The following NREP variants were observed in gnomAD, a reference collection of about 807,000 sequenced individuals.
NREP encodes neuronal regeneration related protein.
NREP carries 5 observed loss-of-function variants against 8.6 expected under a neutral mutation model. The observed-to-expected ratio is 0.58, with a 90% confidence interval of 0.30 to 1.22. The LOEUF (loss-of-function observed/expected upper bound fraction) is 1.22. Ranked by LOEUF, NREP falls within the 50% of genes most tolerant of loss-of-function variation. The pLI, the probability that NREP is intolerant of heterozygous loss-of-function variation, is 0.07. For missense variants in NREP, 86 were observed against 82.5 expected, an observed-to-expected ratio of 1.04 and a Z score of -0.17; for synonymous variants, 27 against 28.0, an observed-to-expected ratio of 0.96 and a Z score of 0.11.
intron 2 of NREP, among the ~76,000 whole-genome samples, chr5:111,814,963 GAAA>G (rs60414933): frequency 7.4e-6 from 1 of 135,786 alleles, no homozygotes; most frequent in Non-Finnish European, 1.6e-5. Context: ...TTACCAAGAG[GAAA>G]AAAAAAAAAA....
At chr5:111,874,499 C>A (rs1330504766) in intron 2 of NREP, among the ~76,000 whole-genome samples, 1 of 152,084 alleles carries the variant, frequency 6.6e-6, no homozygotes, top group Non-Finnish European at 1.5e-5. Context: ...GTGAGGGTAA[C>A]CCTGTCTATG....
At chr5:111,864,446 G>T (rs1252514238) in intron 2 of NREP, among the ~76,000 whole-genome samples, 3 of 152,028 alleles carry the variant, frequency 2.0e-5, no homozygotes, top group Non-Finnish European at 2.9e-5. Flanking sequence ...TCACCCCCCA[G>T]AAGGGCAAAA....
At chr5:111,785,469 G>T (rs1413063021) in intron 2 of NREP, among the ~76,000 whole-genome samples, 3 of 151,914 alleles carry the variant, frequency 2.0e-5, no homozygotes. Context: ...TAGTAGAGTC[G>T]GGGTTTCACC....
chr5:111,867,042 G>T (rs1753683009), intron 2 of NREP, among the ~76,000 whole-genome samples: 8 of 151,692 alleles, frequency 5.3e-5, no homozygotes, highest in Admixed American at 5.3e-4. Context: ...TATACCTAAT[G>T]TTAAATGACG....
intron 2 of NREP, among the ~76,000 whole-genome samples, chr5:111,753,049 T>C (rs1750461760): frequency 1.3e-5 from 2 of 151,532 alleles, no homozygotes; most frequent in African/African-American, 2.4e-5. Flanking sequence ...CTTAATATCC[T>C]ACTAATTGCA....
chr5:111,744,570 A>G (rs1749884504), intron 2 of NREP, among the ~76,000 whole-genome samples: 1 of 152,174 alleles, frequency 6.6e-6, no homozygotes, highest in Admixed American at 6.5e-5. Flanking sequence ...TAGAATGGAT[A>G]TGCCCCTGCA....
At chr5:111,836,995 G>C (rs1452901636) in intron 2 of NREP, among the ~76,000 whole-genome samples, 3 of 152,008 alleles carry the variant, frequency 2.0e-5, no homozygotes, top group African/African-American at 7.2e-5. Context: ...GAATTCACTT[G>C]AATTTAATTC....
chr5:111,815,463 C>T (rs1182953861), intron 2 of NREP, among the ~76,000 whole-genome samples: 1 of 151,578 alleles, frequency 6.6e-6, no homozygotes, highest in Non-Finnish European at 1.5e-5. Flanking sequence ...AATTGCCAGG[C>T]ATCTAAGGAC....
At chr5:111,794,145 C>T (rs555121954) in intron 2 of NREP, among the ~76,000 whole-genome samples, 87 of 152,264 alleles carry the variant, frequency 5.7e-4, no homozygotes, top group African/African-American at 2.0e-3. Flanking sequence ...TGTTACAATG[C>T]CAAAATCTAA....
intron 2 of NREP, among the ~76,000 whole-genome samples, chr5:111,892,811 G>A (rs1754425794): frequency 6.6e-6 from 1 of 152,110 alleles, no homozygotes; most frequent in South Asian, 2.1e-4. Flanking sequence ...CAAGGCACTG[G>A]TTTATGCTTC....
intron 2 of NREP, among the ~76,000 whole-genome samples, chr5:111,785,286 TC>T (rs1380896676): frequency 6.6e-6 from 1 of 152,132 alleles, no homozygotes; most frequent in Non-Finnish European, 1.5e-5. Context: ...AAATGGCTAT[TC>T]TTTTTTTTTG....
intron 2 of NREP, among the ~76,000 whole-genome samples, chr5:111,783,687 C>G (rs1361192689): frequency 6.6e-6 from 1 of 152,194 alleles, no homozygotes; most frequent in African/African-American, 2.4e-5. Flanking sequence ...GTCAGGCATA[C>G]AAACGTCTAC....
At chr5:111,806,337 G>A (rs1282676045) in intron 2 of NREP, among the ~76,000 whole-genome samples, 1 of 151,668 alleles carries the variant, frequency 6.6e-6, no homozygotes, top group African/African-American at 2.4e-5. Context: ...CTGTCCCTGA[G>A]TATCTCCACA....
Position 111,909,635 on chromosome 5 carries a change from C to T in NREP, c.135+65639G>A, listed in dbSNP as rs557947303. Among the ~76,000 whole-genome samples the T allele has an allele frequency of 5.3e-5, 8 of 152,150 alleles. No individual in the cohort carries two copies. In the South Asian group the frequency reaches 1.5e-3, roughly 28 times the overall value. ...AAAACCACCAAAGAGAGAACAGATA[C>T]TTGAACTTGGGTTGCAGCAGGAACG... On this transcript the variant is annotated intron_variant, in intron 2 of 3. Transcript: ENST00000395634.
chr5:111,928,665 C>A (rs976353441), intron 2 of NREP, among the ~76,000 whole-genome samples: 4 of 152,078 alleles, frequency 2.6e-5, no homozygotes, highest in African/African-American at 9.7e-5. Context: ...GTCAAGTTTT[C>A]CCCTGAGTAG....
At chr5:111,794,515 A>C (rs1751831134) in intron 2 of NREP, among the ~76,000 whole-genome samples, 1 of 152,238 alleles carries the variant, frequency 6.6e-6, no homozygotes, top group Admixed American at 6.5e-5. Context: ...TAGTTCTTCA[A>C]CCATGAAAAG....
chr5:111,770,147 C>T (rs1751183168), intron 2 of NREP, among the ~76,000 whole-genome samples: 1 of 152,180 alleles, frequency 6.6e-6, no homozygotes, highest in Non-Finnish European at 1.5e-5. Context: ...GCTGGCTTTG[C>T]TTATCACCAG....
intron 2 of NREP, among the ~76,000 whole-genome samples, chr5:111,863,440 T>G (rs1398814372): frequency 1.3e-5 from 2 of 152,258 alleles, no homozygotes; most frequent in African/African-American, 4.8e-5. Flanking sequence ...AAGAGGTCTG[T>G]GCTGAAAATG....
chr5:111,784,378 A>C (rs1751561697), intron 2 of NREP, among the ~76,000 whole-genome samples: 1 of 152,208 alleles, frequency 6.6e-6, no homozygotes, highest in Non-Finnish European at 1.5e-5. Context: ...TAAAGAAAAG[A>C]AGCATGAATC....
Sources: gnomAD v4.1 joint callset for allele counts (sites outside exome capture counted in the v4.1 genomes callset) on GRCh38, gnomAD v4.1.1 for gene constraint, MANE v1.5 for transcripts, NCBI Gene and HGNC (gene_info 2026-07-23, HGNC 2026-07-21) for gene names.